PKHD1: variants seen among roughly 807,000 people sequenced by gnomAD.
PKHD1 encodes the protein fibrocystin.
A neutral mutation model predicts 412.0 loss-of-function variants in PKHD1; 291 were observed. The observed-to-expected ratio is 0.71, with a 90% CI of 0.64 to 0.78. The LOEUF (loss-of-function observed/expected upper bound fraction) is 0.78, where lower values mean the gene tolerates loss of function less well. Ranked by LOEUF, PKHD1 falls within the 30% of genes least tolerant of loss-of-function variation. PKHD1 has a pLI of 0.00. For missense variants in PKHD1, 4,825 were observed against 4,950.7 expected, an observed-to-expected ratio of 0.97 and a Z score of 0.76; for synonymous variants, 1,777 against 1,821.5, an observed-to-expected ratio of 0.98 and a Z score of 0.62.
At chr6:51,812,574 C>A (rs979762551) in intron 52 of PKHD1, among the ~76,000 whole-genome samples, 2 of 152,164 alleles carry the variant, frequency 1.3e-5, no homozygotes, top group African/African-American at 4.8e-5. Flanking sequence ...TAAATTCCAA[C>A]CCAACTCTAG....
chr6:52,034,878 C>T (rs1466278238), intron 28 of PKHD1, among the ~76,000 whole-genome samples: 1 of 152,144 alleles, frequency 6.6e-6, no homozygotes, highest in Non-Finnish European at 1.5e-5. Context: ...GACTAGTGAT[C>T]AAAGAATATT....
At chr6:51,984,712 C>G (rs1398109230) in intron 35 of PKHD1, among the ~76,000 whole-genome samples, 1 of 152,144 alleles carries the variant, frequency 6.6e-6, no homozygotes, top group East Asian at 1.9e-4. Flanking sequence ...ATTCCTGGAC[C>G]AAGTAAAAGT....
chr6:51,867,780 A>G, intron 48 of PKHD1, 83 bp downstream of exon 48: 5 of 1,277,060 alleles, frequency 3.9e-6, no homozygotes, highest in Non-Finnish European at 5.7e-6. Context: ...CTAGAAAACA[A>G]TTTCCCTTCT....
At chr6:51,736,244 T>C (rs1232821852) in intron 60 of PKHD1, among the ~76,000 whole-genome samples, 1 of 152,180 alleles carries the variant, frequency 6.6e-6, no homozygotes, top group Admixed American at 6.5e-5. Context: ...AAGGAAATTG[T>C]CCCCATAGAT....
rs765165538 is a variant in PKHD1 at position 52,035,685 on chromosome 6, T to C, written c.3134A>G (p.Glu1045Gly). The C allele has an allele frequency of 6.2e-7, 1 of 1,613,930 alleles. No individual in the cohort carries two copies. The highest frequency in any genetic ancestry group is 8.5e-7 in the Non-Finnish European group (1 of 1,179,874). Residue 1045 changes from glutamate (E) to glycine (G), a missense_variant, in exon 28 of 67, where the codon GAA becomes GGA. Transcript: ENST00000371117. Reference protein sequence around the residue: ...LWATIRGSSLEGVSLILFGSY... With the variant: ...LWATIRGSSLGGVSLILFGSY... ...TCCAAATAATATCAGGCTAACACCT[T>C]CCAAACTAGAGCCTCGGATGGTGGC...
At chr6:51,928,176 T>G (rs1037749602) in intron 37 of PKHD1, among the ~76,000 whole-genome samples, 6 of 152,092 alleles carry the variant, frequency 3.9e-5, no homozygotes, top group Non-Finnish European at 7.4e-5. Context: ...GTGCCTCAAG[T>G]TGAAGCTTTG....
At position 52,024,944 on chromosome 6, in the gene PKHD1, G is replaced by A; in HGVS notation, c.4866C>T (p.Leu1622=). 3 of 1,614,194 alleles carry A rather than the reference G, an allele frequency of 1.9e-6. No individual in the cohort carries two copies. The highest frequency in any genetic ancestry group is 2.5e-6 in the Non-Finnish European group (3 of 1,180,038). ...TCCCTGTGGGAACAATGCACCGGATGAGCTCAGCACCGATGTTCACCGTCA... is the reference window on the plus strand; with the variant it reads ...TCCCTGTGGGAACAATGCACCGGATAAGCTCAGCACCGATGTTCACCGTCA... ...TCLTVNIGAE[L]IRCIVPTGNG... Residue 1622 remains leucine (L), a synonymous_variant, in exon 32 of 67, where the codon CTC becomes CTT. Coordinates refer to ENST00000371117, the MANE Select transcript of PKHD1 (RefSeq NM_138694.4).
At chr6:52,038,934 A>G (rs1804377875) in intron 27 of PKHD1, among the ~76,000 whole-genome samples, 1 of 152,234 alleles carries the variant, frequency 6.6e-6, no homozygotes, top group South Asian at 2.1e-4. Flanking sequence ...ACTATTTTTA[A>G]AAAGTGAAAA....
At chr6:51,636,991 C>A (rs1182139385) in intron 64 of PKHD1, among the ~76,000 whole-genome samples, 1 of 152,064 alleles carries the variant, frequency 6.6e-6, no homozygotes, top group African/African-American at 2.4e-5. Context: ...TCAGTTAGTT[C>A]TTTTTACAGG....
intron 59 of PKHD1, among the ~76,000 whole-genome samples, chr6:51,745,813 C>T (rs544278561): frequency 5.3e-5 from 8 of 152,138 alleles, no homozygotes; most frequent in African/African-American, 1.9e-4. Context: ...TATATCAGCC[C>T]GGGATAAGAC....
Position 51,684,375 on chromosome 6 carries a change from C to T in PKHD1, c.10157-24406G>A, listed in dbSNP as rs573125655. Among the ~76,000 whole-genome samples, 3 of 152,144 alleles carry T rather than the reference C, an allele frequency of 2.0e-5. No individual in the cohort carries two copies. In the East Asian group the frequency reaches 5.8e-4, roughly 29 times the overall value. ...AGATTATTTGTTAATTGGAGTAACT[C>T]TGTCTCATACAATATCCATGTTTTA... On this transcript the variant is annotated intron_variant, in intron 60 of 66. Transcript: ENST00000371117.
chr6:51,885,953 G>T lies in PKHD1; in HGVS notation c.7129C>A (p.Pro2377Thr). ...TTATCCCAAGGTGGCTGAAATTTAG[G>T]GTATACAAAGAGACCATACCTAAAA... Reference protein sequence around the residue: ...SCTRYGLFVYPKFQPPWDNVT... With the variant: ...SCTRYGLFVYTKFQPPWDNVT... Residue 2377 changes from proline to threonine, a missense_variant, in exon 45 of 67, where the codon CCT becomes ACT. Coordinates refer to ENST00000371117, the MANE Select transcript of PKHD1 (RefSeq NM_138694.4). 1 of 1,604,194 alleles carries T rather than the reference G, an allele frequency of 6.2e-7. No homozygotes were observed. Among genetic ancestry groups the T allele is most frequent in the Non-Finnish European group, 8.5e-7 (1 of 1,171,200 alleles).
chr6:51,741,281 C>T (rs1479639267), intron 60 of PKHD1: 1 of 496,482 alleles, frequency 2.0e-6, no homozygotes, highest in Admixed American at 2.0e-5. Flanking sequence ...TGATGCCACA[C>T]CCATGTATTT....
chr6:51,696,233 C>A (rs1405628532), intron 60 of PKHD1, among the ~76,000 whole-genome samples: 1 of 152,180 alleles, frequency 6.6e-6, no homozygotes, highest in Non-Finnish European at 1.5e-5. Flanking sequence ...GAAGGCTACT[C>A]TGCAGCCAGT....
chr6:51,935,598 A>T (rs1787346296), intron 36 of PKHD1, among the ~76,000 whole-genome samples: 1 of 152,066 alleles, frequency 6.6e-6, no homozygotes. Context: ...TTCCCATCTC[A>T]CTCAGAATAG....
intron 37 of PKHD1, among the ~76,000 whole-genome samples, chr6:51,924,007 G>A (rs1476485620): frequency 6.6e-6 from 1 of 152,174 alleles, no homozygotes; most frequent in East Asian, 1.9e-4. Flanking sequence ...GGCTTCACAG[G>A]GTGGTTGTGA....
chr6:51,700,140 C>T (rs1302245225), intron 60 of PKHD1, among the ~76,000 whole-genome samples: 2 of 151,840 alleles, frequency 1.3e-5, no homozygotes, highest in Non-Finnish European at 2.9e-5. Flanking sequence ...AATGAAATTA[C>T]CAAGTGTTCC....
At position 51,923,040 on chromosome 6, in the gene PKHD1, T is replaced by C. The variant is rs901791364; in HGVS notation, c.6122-10464A>G. The stretch of plus-strand genomic sequence containing the variant: ...TCTGCGTTGCTCATGCTGGGAGCTA[T>C]AGACTGGAGTTGTTCCTATTCAGCC... On this transcript the variant is annotated intron_variant, in intron 37 of 66. Transcript: ENST00000371117. 3.9e-4 allele frequency among the ~76,000 whole-genome samples: 59 copies of C among 152,300 alleles called. 1 individual carries two copies. Among genetic ancestry groups the C allele is most frequent in the African/African-American group, 1.3e-3 (55 of 41,578 alleles).
At chr6:51,978,412 G>C (rs1158542137) in intron 35 of PKHD1, among the ~76,000 whole-genome samples, 1 of 152,114 alleles carries the variant, frequency 6.6e-6, no homozygotes, top group African/African-American at 2.4e-5. Flanking sequence ...GTGTTCAAGG[G>C]CTGTCAAAGC....
Sources: allele counts gnomAD v4.1 joint callset (sites outside exome capture counted in the v4.1 genomes callset), GRCh38; gene constraint gnomAD v4.1.1; transcripts MANE v1.5; gene names NCBI Gene and HGNC (gene_info 2026-07-23, HGNC 2026-07-21).